Variants in AK9 observed in about 807,000 individuals in gnomAD.
The protein encoded by AK9 is adenylate kinase domain containing 1.
A neutral mutation model predicts 239.6 loss-of-function variants in AK9; 191 were observed. That is an observed-to-expected ratio of 0.80 (90% CI 0.71 to 0.90). The LOEUF (loss-of-function observed/expected upper bound fraction) is 0.90, where lower values mean the gene tolerates loss of function less well. Ranked by LOEUF, AK9 falls within the 40% of genes least tolerant of loss-of-function variation. The probability of loss-of-function intolerance (pLI) is 0.00; values close to 1 mark genes in which losing one functional copy is unlikely to be tolerated. For missense variants in AK9, 1,995 were observed against 2,214.7 expected, an observed-to-expected ratio of 0.90 and a Z score of 1.99; for synonymous variants, 689 against 721.0, an observed-to-expected ratio of 0.96 and a Z score of 0.71.
chr6:109,515,841 C>T lies in AK9; in HGVS notation c.4065+16G>A, dbSNP rs1010026261. 7 of 1,523,806 alleles carry T rather than the reference C, an allele frequency of 4.6e-6. No individual in the cohort carries two copies. Among genetic ancestry groups the T allele is most frequent in the Admixed American group, 2.0e-5 (1 of 50,152 alleles). 94.4% of individuals were successfully genotyped at this position (1,523,806 alleles called of 1,614,324 possible). A position where few individuals can be genotyped will look rare whatever the true frequency, so the allele number is the denominator to read the frequency against. Reference sequence around the variant, plus strand: ...AAATAAGGAACATGGCTTTCAGGTGCGTTTGCTGAAATTACCTTTACAGGG... The same window carrying T: ...AAATAAGGAACATGGCTTTCAGGTGTGTTTGCTGAAATTACCTTTACAGGG... On this transcript the variant is annotated intron_variant, in intron 31 of 40. Coordinates refer to ENST00000424296, the MANE Select transcript of AK9 (RefSeq NM_001145128.3).
intron 27 of AK9, among the ~76,000 whole-genome samples, chr6:109,537,225 G>A (rs1172153223): frequency 2.0e-5 from 3 of 152,010 alleles, no homozygotes; most frequent in Admixed American, 6.6e-5. Flanking sequence ...CTGTGAATCC[G>A]TCTGGTCCTG....
chr6:109,557,367 C>T (rs1785132466), intron 24 of AK9, among the ~76,000 whole-genome samples: 1 of 152,114 alleles, frequency 6.6e-6, no homozygotes, highest in African/African-American at 2.4e-5. Context: ...GTGCCTGCTC[C>T]TTCTTCTGGG....
chr6:109,577,034 G>A (rs1030971275), intron 20 of AK9, among the ~76,000 whole-genome samples: 2 of 152,000 alleles, frequency 1.3e-5, no homozygotes, highest in Non-Finnish European at 2.9e-5. Context: ...GTTTCACCGT[G>A]TTAGCCAGGA....
rs189818350 is a variant in AK9 at position 109,497,772 on chromosome 6, A to G, written c.5216+24T>C. On this transcript the variant is annotated intron_variant, in intron 37 of 40. Coordinates refer to ENST00000424296, the MANE Select transcript of AK9 (RefSeq NM_001145128.3). ...CTTTGGCGTAGCAATATCATTCTAT[A>G]CTTCCATGAAGGCCAGGACTTGCCT... The G allele has an allele frequency of 7.6e-4, 1,215 of 1,604,172 alleles. 11 individuals are homozygous for G. The highest frequency in any genetic ancestry group is 3.5e-3 in the East Asian group (156 of 44,572).
chr6:109,567,173 A>G (rs955893694), intron 21 of AK9, among the ~76,000 whole-genome samples: 4 of 152,342 alleles, frequency 2.6e-5, no homozygotes, highest in African/African-American at 9.6e-5. Flanking sequence ...CAAAATTGAT[A>G]GACTGCTAGC....
chr6:109,682,780 C>G (rs1772870180), intron 1 of AK9, among the ~76,000 whole-genome samples: 1 of 152,080 alleles, frequency 6.6e-6, no homozygotes. Context: ...AAAAAAAGTC[C>G]AGGACTAGAT....
In AK9 at chr6:109,497,462, C is replaced by T. The variant is rs1197608407; in HGVS notation, c.5315+3G>A. The T allele has an allele frequency of 1.3e-6, 2 of 1,556,344 alleles. No homozygotes were observed. Among genetic ancestry groups the T allele is most frequent in the Non-Finnish European group, 1.8e-6 (2 of 1,128,712 alleles). ...GTAAATATTTGTGATTTAATGGTCT[C>T]ACCTCAAAAATTTCTGGAGTTTTTC... On this transcript the variant is annotated splice_donor_region_variant and intron_variant, in intron 38 of 40. Transcript: ENST00000424296.
At chr6:109,576,611 T>C (rs1788124560) in intron 20 of AK9, among the ~76,000 whole-genome samples, 1 of 151,926 alleles carries the variant, frequency 6.6e-6, no homozygotes, top group South Asian at 2.1e-4. Context: ...TCTAGGTATA[T>C]GATCATATCA....
chr6:109,566,528 A>G (rs1786541583), intron 21 of AK9, among the ~76,000 whole-genome samples: 1 of 152,208 alleles, frequency 6.6e-6, no homozygotes, highest in Non-Finnish European at 1.5e-5. Flanking sequence ...ATCACGAGGC[A>G]TAAAGATAGA....
chr6:109,497,356 A>ACTCT (rs1439292179), intron 38 of AK9, 109 bp downstream of exon 38: 10,481 of 568,656 alleles, frequency 0.018, 178 homozygotes, highest in East Asian at 0.071. Flanking sequence ...ACACACACAC[A>ACTCT]CACACACTCT....
chr6:109,630,436 T>C (rs1795990392), intron 12 of AK9, among the ~76,000 whole-genome samples: 1 of 152,154 alleles, frequency 6.6e-6, no homozygotes, highest in Non-Finnish European at 1.5e-5. Flanking sequence ...AATGCACTCA[T>C]GAAAGAGAAC....
chr6:109,585,392 T>C (rs1252506239), intron 18 of AK9, among the ~76,000 whole-genome samples, 155 bp from the exon 19 acceptor site: 1 of 152,168 alleles, frequency 6.6e-6, no homozygotes, highest in African/African-American at 2.4e-5. Context: ...CTTTAAAATA[T>C]TAATAGACCA....
chr6:109,632,051 A>G, intron 12 of AK9: 1 of 604,992 alleles, frequency 1.7e-6, no homozygotes, highest in Non-Finnish European at 2.1e-6. Context: ...TTGAGAAGAA[A>G]CATGAGAGGG....
rs567941579 is a variant in AK9 at position 109,648,338 on chromosome 6, C to T, written c.760-3650G>A. 2.0e-3 allele frequency among the ~76,000 whole-genome samples: 310 copies of T among 151,862 alleles called. 4 individuals carry two copies. Among genetic ancestry groups the T allele is most frequent in the Admixed American group, 0.016 (251 of 15,256 alleles). ...GAAAAGATCAACAAAATTGATAGAA[C>T]GCTAGCAAGACTAATAAAGAAGAAA... On this transcript the variant is annotated intron_variant, in intron 8 of 40. Transcript: ENST00000424296.
intron 5 of AK9, 50 bp downstream of exon 5, chr6:109,671,869 T>C: frequency 2.6e-6 from 4 of 1,530,912 alleles, no homozygotes; most frequent in Non-Finnish European, 3.6e-6. Context: ...AGATAAAGCA[T>C]GAGTTTTAAG....
At chr6:109,524,688 A>G (rs1780249425) in intron 29 of AK9, among the ~76,000 whole-genome samples, 1 of 152,184 alleles carries the variant, frequency 6.6e-6, no homozygotes, top group Non-Finnish European at 1.5e-5. Context: ...TTACTTTCCT[A>G]TTAATTTTTT....
intron 25 of AK9, among the ~76,000 whole-genome samples, chr6:109,546,722 G>A (rs1218491880): frequency 6.6e-6 from 1 of 152,146 alleles, no homozygotes; most frequent in East Asian, 1.9e-4. Context: ...AAAGGGGCTG[G>A]AGTTTTTGCA....
chr6:109,549,960 G>A (rs9400294), intron 25 of AK9, 130 bp downstream of exon 25: 652,035 of 1,020,076 alleles, frequency 0.64, 213,624 homozygotes, highest in East Asian at 0.85. Flanking sequence ...CACCGCGCCC[G>A]GCCTAGATAT....
chr6:109,554,125 G>C (rs912123178), intron 24 of AK9, among the ~76,000 whole-genome samples: 1 of 152,142 alleles, frequency 6.6e-6, no homozygotes, highest in African/African-American at 2.4e-5. Context: ...GAGGATTTTT[G>C]AATTGGTGTT....
Sources: gnomAD v4.1 joint callset for allele counts (sites outside exome capture counted in the v4.1 genomes callset) on GRCh38, gnomAD v4.1.1 for gene constraint, MANE v1.5 for transcripts, NCBI Gene and HGNC (gene_info 2026-07-23, HGNC 2026-07-21) for gene names.